The following ARHGEF17 variants were observed in gnomAD, a reference collection of about 807,000 sequenced individuals.
ARHGEF17 encodes the protein 164 kDa Rho-specific guanine-nucleotide exchange factor.
In ARHGEF17, 80 loss-of-function variants were observed where a neutral mutation model predicts 174.0. That is an observed-to-expected ratio of 0.46 (90% CI 0.38 to 0.55). ARHGEF17 has a LOEUF of 0.55. Among genes scored for constraint, ARHGEF17 ranks in the 20% least tolerant of loss-of-function variants. ARHGEF17 has a pLI of 0.00. For synonymous variants in ARHGEF17, 1,311 were observed against 1,189.1 expected (o/e 1.10, Z -2.11); for missense variants, 2,886 against 2,839.7 (o/e 1.02, Z -0.37).
chr11:73,308,834 C>A lies in ARHGEF17; in HGVS notation c.196C>A (p.Leu66Met). The change falls in exon 1 of 21, where the codon CTG becomes ATG. Residue 66 changes from leucine (L) to methionine (M), a missense_variant. This residue lies in a region of ARHGEF17 where 1,728 missense variants were observed against 1,461.2 expected (regional missense o/e 1.18). Transcript: ENST00000263674. ...RRVSKLASGPLAAPAQPRPLR... is the reference protein window; with the variant it reads ...RRVSKLASGPMAAPAQPRPLR... The stretch of plus-strand genomic sequence containing the variant: ...CGTGTCCAAGCTGGCGTCTGGGCCC[C>A]TGGCCGCCCCCGCGCAGCCGCGCCC... The A allele has an allele frequency of 2.2e-6, 3 of 1,340,900 alleles. No individual in the cohort carries two copies. The highest frequency in any genetic ancestry group is 2.8e-6 in the Non-Finnish European group (3 of 1,052,876). The allele number at this position is 1,340,900 out of a possible 1,614,324, so 83.1% of individuals were successfully genotyped here. A position where few individuals can be genotyped will look rare whatever the true frequency, so the allele number is the denominator to read the frequency against.
intron 2 of ARHGEF17, among the ~76,000 whole-genome samples, chr11:73,349,615 C>CAAAA (rs1240453236): frequency 6.6e-6 from 1 of 151,808 alleles, no homozygotes; most frequent in African/African-American, 2.4e-5. Context: ...GACTCTGTCT[C>CAAAA]AAAAAACAAA....
In ARHGEF17 at chr11:73,311,673, T is replaced by C. The variant is rs1864839005; in HGVS notation, c.3035T>C (p.Leu1012Pro). The C allele has an allele frequency of 6.2e-7, 1 of 1,613,318 alleles. No homozygotes were observed. Among genetic ancestry groups the C allele is most frequent in the East Asian group, 2.2e-5 (1 of 44,896 alleles). ...GAGGACGTCACCAAGCAGTACATGC[T>C]GAACCTGCACTCCGGTGAGGTCCCT... ...SLEDVTKQYM[L>P]NLHSGEVPAP... Residue 1012 changes from leucine (L) to proline (P), a missense_variant, in exon 1 of 21, where the codon CTG (leucine) becomes CCG (proline). Physicochemically the swap from Leu to Pro is moderately conservative, Grantham distance 98. This residue lies in a region of ARHGEF17 where 1,728 missense variants were observed against 1,461.2 expected (regional missense o/e 1.18). Coordinates refer to ENST00000263674, the MANE Select transcript of ARHGEF17 (RefSeq NM_014786.4).
chr11:73,326,691 C>T (rs1212313348), intron 1 of ARHGEF17, among the ~76,000 whole-genome samples: 1 of 152,040 alleles, frequency 6.6e-6, no homozygotes, highest in African/African-American at 2.4e-5. Flanking sequence ...TGCACTCCAA[C>T]CTGGGCAACC....
At chr11:73,343,365 G>C in intron 1 of ARHGEF17, 2 of 388,570 alleles carry the variant, frequency 5.1e-6, no homozygotes, top group Non-Finnish European at 9.1e-6. Flanking sequence ...ACGGTGGGGG[G>C]AGGGGAGGCA....
chr11:73,359,631 C>CCT (rs1004292738), intron 9 of ARHGEF17, among the ~76,000 whole-genome samples: 1 of 152,244 alleles, frequency 6.6e-6, no homozygotes, highest in Non-Finnish European at 1.5e-5. Context: ...CTGAATCAGG[C>CCT]CTAGTCCCCA....
rs780258089 is a variant in ARHGEF17, at chr11:73,310,141, C to G, written c.1503C>G (p.Pro501=). The part of the protein sequence containing the change: ...GGSSGDRGSN[P]LDGRDSPSAG... Reference sequence around the variant, plus strand: ...GCTCCGGGGACCGTGGAAGCAACCCCCTAGATGGCAGAGACTCACCATCCG... The same window carrying G: ...GCTCCGGGGACCGTGGAAGCAACCCGCTAGATGGCAGAGACTCACCATCCG... The change falls in exon 1 of 21, where the codon CCC becomes CCG. Residue 501 remains proline, a synonymous_variant. Transcript: ENST00000263674. The G allele has an allele frequency of 1.9e-6, 3 of 1,614,070 alleles. No homozygotes were observed. Among genetic ancestry groups the G allele is most frequent in the Non-Finnish European group, 2.5e-6 (3 of 1,180,032 alleles).
In ARHGEF17 at chr11:73,355,654, T is replaced by C; in HGVS notation, c.3570+5T>C. On this transcript the variant is annotated splice_donor_5th_base_variant and intron_variant, in intron 4 of 20. Transcript: ENST00000263674. The stretch of plus-strand genomic sequence containing the variant: ...GCCTTTCTCAAGTTCCTAGAGGTAC[T>C]GTGGGCTAGGGCAGGGGGATGGAGG... 6.2e-7 allele frequency: 1 copy of C among 1,612,280 alleles called. No homozygotes were observed.
At chr11:73,362,292 C>A in intron 13 of ARHGEF17, 53 bp downstream of exon 13, 1 of 1,463,694 alleles carries the variant, frequency 6.8e-7, no homozygotes, top group African/African-American at 1.4e-5. Context: ...AGAACCAACC[C>A]CTGTCCCAGC....
rs1268084839 is a variant in ARHGEF17 at position 73,311,468 on chromosome 11, A to G, written c.2830A>G (p.Thr944Ala). The G allele has an allele frequency of 6.2e-7, 1 of 1,613,064 alleles. No individual in the cohort carries two copies. Among genetic ancestry groups the G allele is most frequent in the Admixed American group, 1.7e-5 (1 of 60,006 alleles). Reference sequence around the variant, plus strand: ...GAGAGACGAGGGCAGTCAGGACCAGACTGGCAGCCTGTCTCGGGCCCGGCC... The same window carrying G: ...GAGAGACGAGGGCAGTCAGGACCAGGCTGGCAGCCTGTCTCGGGCCCGGCC... ...LRRDEGSQDQ[T>A]GSLSRARPSS... Residue 944 changes from threonine (T) to alanine (A), a missense_variant, in exon 1 of 21, where the codon ACT (threonine) becomes GCT (alanine). Physicochemically the swap from Thr to Ala is moderately conservative, Grantham distance 58. Coordinates refer to ENST00000263674, the MANE Select transcript of ARHGEF17 (RefSeq NM_014786.4).
In ARHGEF17 at chr11:73,311,787, A is replaced by G; in HGVS notation, c.3149A>G (p.Asp1050Gly). The change falls in exon 1 of 21, where the codon GAT becomes GGT. Residue 1050 changes from aspartate to glycine, a missense_variant. Physicochemically the swap from Asp to Gly is moderately conservative, Grantham distance 94 (BLOSUM62 -1). Coordinates refer to ENST00000263674, the MANE Select transcript of ARHGEF17 (RefSeq NM_014786.4). ...CCCCCTGAGGCAGCTCGGCCTGCAG[A>G]TGAGCCTACCCCTGCCAGCAAGTGC... ...AKPPEAARPA[D>G]EPTPASKCCS... 1 of 1,611,252 alleles carries G rather than the reference A, an allele frequency of 6.2e-7. No homozygotes were observed. The highest frequency in any genetic ancestry group is 8.5e-7 in the Non-Finnish European group (1 of 1,178,700).
chr11:73,337,744 C>T (rs985094823), intron 1 of ARHGEF17, among the ~76,000 whole-genome samples: 1 of 152,132 alleles, frequency 6.6e-6, no homozygotes, highest in Non-Finnish European at 1.5e-5. Context: ...TTGAAGTGAC[C>T]CCTTCACTTT....
At chr11:73,337,931 G>A in intron 1 of ARHGEF17, among the ~76,000 whole-genome samples, 1 of 152,148 alleles carries the variant, frequency 6.6e-6, no homozygotes, top group East Asian at 1.9e-4. Flanking sequence ...CCTAAGCAGG[G>A]CACTGTCCCC....
intron 1 of ARHGEF17, among the ~76,000 whole-genome samples, chr11:73,331,413 A>G (rs1034237806): frequency 6.6e-6 from 1 of 151,800 alleles, no homozygotes; most frequent in Non-Finnish European, 1.5e-5. Flanking sequence ...GGGCCCCTGG[A>G]CCTTCCTCCC....
intron 1 of ARHGEF17, among the ~76,000 whole-genome samples, chr11:73,343,956 C>T (rs555057682): frequency 1.1e-3 from 175 of 152,316 alleles, no homozygotes; most frequent in Non-Finnish European, 1.5e-3. Context: ...CTGTGTGGGG[C>T]GGCTTGCCTT....
chr11:73,340,577 C>T lies in ARHGEF17; in HGVS notation c.3193-6306C>T, dbSNP rs746951024. On this transcript the variant is annotated intron_variant, in intron 1 of 20. Transcript: ENST00000263674. ...ACTGGAACTAGTGAGGGAATGGATG[C>T]ACGTCTCTAAATCCTGAGCCACACA... Among the ~76,000 whole-genome samples, 45 of 152,308 alleles carry T rather than the reference C, an allele frequency of 3.0e-4. 1 individual carries two copies. Among genetic ancestry groups the T allele is most frequent in the South Asian group, 8.3e-4 (4 of 4,830 alleles).
intron 7 of ARHGEF17, 106 bp downstream of exon 7, chr11:73,356,865 G>T (rs1865651191): frequency 3.2e-6 from 5 of 1,559,392 alleles, no homozygotes; most frequent in Non-Finnish European, 4.4e-6. Flanking sequence ...TCACCCCGAG[G>T]GGAGCCCTGG....
At position 73,367,700 on chromosome 11, in the gene ARHGEF17, C is replaced by T. The variant is rs762980279; in HGVS notation, c.6112C>T (p.Leu2038Phe). Residue 2038 changes from leucine (L) to phenylalanine (F), a missense_variant, in exon 21 of 21, where the codon CTC becomes TTC. Leu to Phe is a conservative substitution (Grantham distance 22, BLOSUM62 0). Around this residue, in one of 4 missense-constraint regions of ARHGEF17, gnomAD observed 329 missense variants for 435.2 expected, o/e 0.76. Transcript: ENST00000263674. Reference sequence around the variant, plus strand: ...AGGTGATGGCTATGAGGACTTCCGACTCAGCAGTGGGGGCGGCAGCAGCAG... The same window carrying T: ...AGGTGATGGCTATGAGGACTTCCGATTCAGCAGTGGGGGCGGCAGCAGCAG... ...SGGDGYEDFR[L>F]SSGGGSSSET... 6.2e-7 allele frequency: 1 copy of T among 1,614,134 alleles called. No individual in the cohort carries two copies.
chr11:73,353,327 C>T (rs959510567), intron 3 of ARHGEF17: 4 of 400,132 alleles, frequency 1.0e-5, no homozygotes, highest in Admixed American at 7.6e-5. Flanking sequence ...CAAGCTGGTG[C>T]GGACGCTGAC....
intron 1 of ARHGEF17, among the ~76,000 whole-genome samples, chr11:73,313,137 T>C (rs187008669): frequency 6.6e-6 from 1 of 152,282 alleles, no homozygotes; most frequent in East Asian, 1.9e-4. Flanking sequence ...CCCTTTCTCT[T>C]TGTTTCTCTC....
Sources: allele counts gnomAD v4.1 joint callset (sites outside exome capture counted in the v4.1 genomes callset), GRCh38; gene constraint gnomAD v4.1.1; regional missense constraint gnomAD v4.1.1; transcripts MANE v1.5; gene names NCBI Gene and HGNC (gene_info 2026-07-23, HGNC 2026-07-21).